TRPC1: variants seen among roughly 807,000 people sequenced by gnomAD.
TRPC1 encodes the protein short transient receptor potential channel 1.
Under a neutral mutation model 88.2 loss-of-function variants are expected in TRPC1, and 42 were observed. The observed-to-expected ratio is 0.48, with a 90% CI of 0.37 to 0.62. TRPC1 has a LOEUF of 0.62. TRPC1 is among the 20% of genes least tolerant of loss of function. The pLI is 0.00. For missense variants in TRPC1, 699 were observed against 957.3 expected (o/e 0.73, Z 3.56); for synonymous variants, 288 against 331.8 (o/e 0.87, Z 1.43).
At chr3:142,765,715 T>C (rs1432994781) in intron 4 of TRPC1, among the ~76,000 whole-genome samples, 1 of 151,960 alleles carries the variant, frequency 6.6e-6, no homozygotes, top group Non-Finnish European at 1.5e-5. Context: ...AAAACAAAAA[T>C]TGACAAGTGG....
At chr3:142,796,175 T>C (rs970135187) in intron 9 of TRPC1, among the ~76,000 whole-genome samples, 12 of 152,024 alleles carry the variant, frequency 7.9e-5, no homozygotes, top group Non-Finnish European at 1.6e-4. Context: ...GGTCACATGG[T>C]TGGTAAGTAG....
rs1560113687 is a variant in TRPC1, at chr3:142,784,879, T to A, written c.1136T>A (p.Ile379Asn). ...GCTCCCAAATCTCAGTTTGGCAGAA[T>A]CATTCACACACCTTTTATGAAATTT... is the stretch of plus-strand genomic sequence containing the variant. The part of the protein sequence containing the change: ...LIAPKSQFGR[I>N]IHTPFMKFII... Residue 379 changes from isoleucine (I) to asparagine (N), a missense_variant, in exon 7 of 13, where the codon ATC becomes AAC. This residue lies in a region of TRPC1 where 426 missense variants were observed against 641.3 expected (regional missense o/e 0.66). Coordinates refer to ENST00000476941, the MANE Select transcript of TRPC1 (RefSeq NM_001251845.2). The A allele has an allele frequency of 1.2e-6, 2 of 1,614,170 alleles. No individual in the cohort carries two copies. Among genetic ancestry groups the A allele is most frequent in the East Asian group, 2.2e-5 (1 of 44,870 alleles).
At chr3:142,728,213 G>C (rs1447686302) in intron 1 of TRPC1, among the ~76,000 whole-genome samples, 1 of 152,168 alleles carries the variant, frequency 6.6e-6, no homozygotes, top group African/African-American at 2.4e-5. Flanking sequence ...GGGTTAGGGG[G>C]AGGGATGGAG....
chr3:142,803,841 G>A lies in TRPC1; in HGVS notation c.1758-136G>A, dbSNP rs975759805. ...AGTAAGGCATATCAGTACTGTGGAA[G>A]TCAACATCATTTTTAAATAAGGAAC... is the stretch of plus-strand genomic sequence containing the variant. On this transcript the variant is annotated intron_variant, in intron 10 of 12. Coordinates refer to ENST00000476941, the MANE Select transcript of TRPC1 (RefSeq NM_001251845.2). 1.4e-5 allele frequency: 12 copies of A among 849,206 alleles called. No homozygotes were observed. The East Asian group carries it at 2.7e-4, about 19-fold the overall frequency. The allele number at this position is 849,206 out of a possible 1,614,324, so 52.6% of individuals were successfully genotyped here.
intron 6 of TRPC1, among the ~76,000 whole-genome samples, chr3:142,784,332 G>GTT (rs1560113305): frequency 6.6e-6 from 1 of 152,036 alleles, no homozygotes; most frequent in African/African-American, 2.4e-5. Flanking sequence ...AATACTTATA[G>GTT]AGTGCATGCT....
At chr3:142,737,402 T>TTA (rs1934184252) in intron 2 of TRPC1, among the ~76,000 whole-genome samples, 2 of 146,480 alleles carry the variant, frequency 1.4e-5, no homozygotes, top group African/African-American at 5.0e-5. Flanking sequence ...ATGTTTGGAG[T>TTA]AAAAAAAAAA....
intron 4 of TRPC1, among the ~76,000 whole-genome samples, chr3:142,764,242 T>C (rs902165952): frequency 1.3e-5 from 2 of 152,014 alleles, no homozygotes; most frequent in Non-Finnish European, 2.9e-5. Flanking sequence ...TTATTGTTTT[T>C]GATAAACTTG....
At chr3:142,754,330 C>A (rs1934884131) in intron 4 of TRPC1, among the ~76,000 whole-genome samples, 1 of 151,416 alleles carries the variant, frequency 6.6e-6, no homozygotes, top group African/African-American at 2.4e-5. Context: ...TAGTGGAAGA[C>A]AAAAATTTAA....
At chr3:142,798,671 C>T (rs772222810) in intron 9 of TRPC1, among the ~76,000 whole-genome samples, 1 of 152,154 alleles carries the variant, frequency 6.6e-6, no homozygotes, top group Non-Finnish European at 1.5e-5. Context: ...AAAAGACAGG[C>T]TGGGCTGGAC....
At chr3:142,796,623 C>T (rs1936460113) in intron 9 of TRPC1, among the ~76,000 whole-genome samples, 1 of 152,034 alleles carries the variant, frequency 6.6e-6, no homozygotes, top group Non-Finnish European at 1.5e-5. Context: ...GTCCCTGATT[C>T]TTACCCATCT....
At chr3:142,771,678 T>C (rs1935583950) in intron 4 of TRPC1, among the ~76,000 whole-genome samples, 3 of 152,182 alleles carry the variant, frequency 2.0e-5, no homozygotes, top group Admixed American at 2.0e-4. Context: ...ACCTACCTAC[T>C]ATATGCTGTT....
At chr3:142,755,484 TC>T (rs1398088305) in intron 4 of TRPC1, among the ~76,000 whole-genome samples, 1 of 152,196 alleles carries the variant, frequency 6.6e-6, no homozygotes, top group East Asian at 1.9e-4. Context: ...ACTAGTCTCA[TC>T]AATGGCTTAG....
intron 1 of TRPC1, among the ~76,000 whole-genome samples, chr3:142,726,707 A>T (rs900544816): frequency 1.3e-5 from 2 of 152,196 alleles, no homozygotes; most frequent in Non-Finnish European, 1.5e-5. Flanking sequence ...ACGTGTTTGT[A>T]TTCGCTAATA....
chr3:142,750,116 A>G (rs1011769101), intron 4 of TRPC1, among the ~76,000 whole-genome samples: 6 of 152,200 alleles, frequency 3.9e-5, no homozygotes, highest in Non-Finnish European at 8.8e-5. Flanking sequence ...AAAAGAAACT[A>G]TCATCAGAGT....
At chr3:142,771,404 G>A (rs996488285) in intron 4 of TRPC1, among the ~76,000 whole-genome samples, 11 of 152,184 alleles carry the variant, frequency 7.2e-5, no homozygotes, top group East Asian at 1.9e-4. Context: ...TCGAACTCCT[G>A]GACTCAAGCA....
intron 4 of TRPC1, among the ~76,000 whole-genome samples, chr3:142,772,046 G>A (rs1935594950): frequency 6.6e-6 from 1 of 151,988 alleles, no homozygotes. Context: ...AATATTATTT[G>A]GGTTCCCTTG....
intron 4 of TRPC1, among the ~76,000 whole-genome samples, chr3:142,749,530 C>A (rs1560098618): frequency 6.6e-6 from 1 of 152,100 alleles, no homozygotes; most frequent in Non-Finnish European, 1.5e-5. Flanking sequence ...AGGTGGAAGA[C>A]AGTGATATTG....
chr3:142,764,809 GA>G (rs1054771593), intron 4 of TRPC1, among the ~76,000 whole-genome samples: 2 of 152,054 alleles, frequency 1.3e-5, no homozygotes, highest in Non-Finnish European at 2.9e-5. Flanking sequence ...TCAAGTTTTG[GA>G]AAGTTTTCTG....
At chr3:142,750,966 G>A (rs984441099) in intron 4 of TRPC1, among the ~76,000 whole-genome samples, 2 of 152,030 alleles carry the variant, frequency 1.3e-5, no homozygotes, top group Non-Finnish European at 2.9e-5. Flanking sequence ...ATTAACAATA[G>A]TAAAAAGCTT....
Sources: gnomAD v4.1 joint callset for allele counts (sites outside exome capture counted in the v4.1 genomes callset) on GRCh38, gnomAD v4.1.1 for gene constraint, gnomAD v4.1.1 regional missense constraint, MANE v1.5 for transcripts, NCBI Gene and HGNC (gene_info 2026-07-23, HGNC 2026-07-21) for gene names.